SLC8A3: variants seen among roughly 807,000 people sequenced by gnomAD.
SLC8A3 encodes the protein solute carrier family 8 member A3.
A neutral mutation model predicts 65.4 loss-of-function variants in SLC8A3; 37 were observed. The ratio of observed to expected loss-of-function variants is 0.57; its 90% CI spans 0.44 to 0.74. The LOEUF is 0.74. Among genes scored for constraint, SLC8A3 ranks in the 30% least tolerant of loss-of-function variants. The pLI is 0.00. For synonymous variants in SLC8A3, 461 were observed against 444.5 expected, an observed-to-expected ratio of 1.04 and a Z score of -0.47; for missense variants, 1,112 against 1,172.1, an observed-to-expected ratio of 0.95 and a Z score of 0.75.
intron 2 of SLC8A3, among the ~76,000 whole-genome samples, chr14:70,156,853 C>T (rs907665211): frequency 6.6e-6 from 1 of 152,172 alleles, no homozygotes; most frequent in Non-Finnish European, 1.5e-5. Flanking sequence ...ACAGGCTGCT[C>T]TGGAAATCCA....
chr14:70,070,109 C>T (rs1006867299), intron 2 of SLC8A3, among the ~76,000 whole-genome samples: 1 of 152,158 alleles, frequency 6.6e-6, no homozygotes, highest in South Asian at 2.1e-4. Context: ...TCAATTCTGA[C>T]ACTATATCTT....
In SLC8A3 at chr14:70,046,778, G is replaced by T. The variant is rs898201362; in HGVS notation, c.2390-455C>A. 1 of 158,386 alleles carries T rather than the reference G, an allele frequency of 6.3e-6. No individual in the cohort carries two copies. The highest frequency in any genetic ancestry group is 1.4e-5 in the Non-Finnish European group (1 of 71,548). The allele number at this position is 158,386 out of a possible 1,614,324, so 9.8% of individuals were successfully genotyped here. On this transcript the variant is annotated intron_variant, in intron 6 of 6. Transcript: ENST00000356921. This position sits in a 1 kb window ranked among gnomAD's most constrained non-coding sequence, Gnocchi z 4.2. ...GCAATGCCTACTGATTGAGCACTGG[G>T]TGAGGTGCTGGATTTTGGGGACAGA... is the stretch of plus-strand genomic sequence containing the variant.
intron 2 of SLC8A3, among the ~76,000 whole-genome samples, chr14:70,084,860 T>G (rs575967665): frequency 6.6e-6 from 1 of 152,314 alleles, no homozygotes; most frequent in South Asian, 2.1e-4. Context: ...TGTTTGACAT[T>G]GGACATGGGA....
At chr14:70,090,782 G>T (rs1891749166) in intron 2 of SLC8A3, among the ~76,000 whole-genome samples, 1 of 152,128 alleles carries the variant, frequency 6.6e-6, no homozygotes, top group Admixed American at 6.5e-5. Context: ...GAGCTGCCCT[G>T]GTCAAATGTG....
intron 2 of SLC8A3, among the ~76,000 whole-genome samples, chr14:70,080,583 G>T (rs1890969739): frequency 6.6e-6 from 1 of 152,212 alleles, no homozygotes; most frequent in South Asian, 2.1e-4. Flanking sequence ...GTTGGGTGGA[G>T]AAATGACATC....
chr14:70,171,249 G>C (rs1897512142), intron 1 of SLC8A3, among the ~76,000 whole-genome samples: 1 of 152,174 alleles, frequency 6.6e-6, no homozygotes, highest in Admixed American at 6.5e-5. Flanking sequence ...GGAGAGAAGA[G>C]AGCCGGTCTT....
intron 2 of SLC8A3, among the ~76,000 whole-genome samples, chr14:70,154,143 G>A (rs980936162): frequency 3.3e-5 from 5 of 152,216 alleles, no homozygotes; most frequent in African/African-American, 1.2e-4. Context: ...CCTTAAAGAA[G>A]AAACGTAGAA....
chr14:70,108,456 C>T (rs913715876), intron 2 of SLC8A3, among the ~76,000 whole-genome samples: 1 of 152,016 alleles, frequency 6.6e-6, no homozygotes, highest in Non-Finnish European at 1.5e-5. Flanking sequence ...CAGCACCTCC[C>T]TTCCTCTTTT....
intron 1 of SLC8A3, 52 bp downstream of exon 1, chr14:70,188,327 G>A (rs938137484): frequency 6.6e-6 from 1 of 152,496 alleles, no homozygotes; most frequent in Non-Finnish European, 1.5e-5. Flanking sequence ...TACCTCCCAT[G>A]TCTCGGCTGC....
rs1886717564 is a variant in SLC8A3, at chr14:70,045,963, T to C, written c.2750A>G (p.Tyr917Cys). ...ILFATLEAYC[Y>C]IKGF ...TTGTGTGGCTTAGAACCCCTTGATGTAGCAATAGGCCTCTAGTGTGGCAAA... is the reference window on the plus strand; with the variant it reads ...TTGTGTGGCTTAGAACCCCTTGATGCAGCAATAGGCCTCTAGTGTGGCAAA... The change falls in exon 7 of 7, where the codon TAC becomes TGC. Residue 917 changes from tyrosine (Y) to cysteine (C), a missense_variant. Tyr to Cys is a radical substitution (Grantham distance 194, BLOSUM62 -2). Coordinates refer to ENST00000356921, the MANE Select transcript of SLC8A3 (RefSeq NM_182932.3). 6.3e-7 allele frequency: 1 copy of C among 1,595,324 alleles called. No homozygotes were observed. The highest frequency in any genetic ancestry group is 1.3e-5 in the African/African-American group (1 of 74,564).
At position 70,167,821 on chromosome 14, in the gene SLC8A3, C is replaced by G. The variant is rs1237226114; in HGVS notation, c.602G>C (p.Arg201Pro). 3 of 1,614,058 alleles carry G rather than the reference C, an allele frequency of 1.9e-6. No homozygotes were observed. In the South Asian group the frequency reaches 3.3e-5, roughly 18 times the overall value. The change falls in exon 2 of 7, where the codon CGA becomes CCA. Residue 201 changes from arginine to proline, a missense_variant. Arg to Pro is a moderately radical substitution (Grantham distance 103). Transcript: ENST00000356921. Reference sequence around the variant, plus strand: ...CCAAGCAGCGGTGATGAAGAAGACTCGTAGATGCTTGATCTTGCGAGTCTC... The same window carrying G: ...CCAAGCAGCGGTGATGAAGAAGACTGGTAGATGCTTGATCTTGCGAGTCTC... ...DGETRKIKHL[R>P]VFFITAAWSI...
intron 2 of SLC8A3, among the ~76,000 whole-genome samples, chr14:70,126,239 TTCAATCAA>T (rs76183916): frequency 3.3e-5 from 5 of 151,952 alleles, no homozygotes; most frequent in South Asian, 2.1e-4. Context: ...ACATTGCTTC[TTCAATCAA>T]TCAATCAATC....
chr14:70,140,959 C>T (rs1895529815), intron 2 of SLC8A3, among the ~76,000 whole-genome samples: 1 of 152,204 alleles, frequency 6.6e-6, no homozygotes, highest in African/African-American at 2.4e-5. Context: ...CATCTAGCCA[C>T]ACACACAGTA....
At chr14:70,158,548 T>C (rs540859719) in intron 2 of SLC8A3, among the ~76,000 whole-genome samples, 2 of 152,290 alleles carry the variant, frequency 1.3e-5, no homozygotes, top group East Asian at 1.9e-4. Flanking sequence ...GAACCTACAA[T>C]AGAGTGGTTT....
chr14:70,174,473 C>A (rs954348931), intron 1 of SLC8A3, among the ~76,000 whole-genome samples: 3 of 151,950 alleles, frequency 2.0e-5, no homozygotes, highest in Non-Finnish European at 4.4e-5. Flanking sequence ...TGAAGGGACA[C>A]ATTTTATGTT....
rs546608404 is a variant in SLC8A3, at chr14:70,045,810, T to C, written c.*137A>G. 6.1e-5 allele frequency: 48 copies of C among 787,860 alleles called. No individual in the cohort carries two copies. The African/African-American group carries it at 7.6e-4, about 13-fold the overall frequency. The allele number at this position is 787,860 out of a possible 1,614,324, so 48.8% of individuals were successfully genotyped here. A position where few individuals can be genotyped will look rare whatever the true frequency, so the allele number is the denominator to read the frequency against. ...TTTCAGTTAATTGCCAGGGCCTAAGTTGGGTGAAGTTCCTGGGGCTTAGGT... is the reference window on the plus strand; with the variant it reads ...TTTCAGTTAATTGCCAGGGCCTAAGCTGGGTGAAGTTCCTGGGGCTTAGGT... On this transcript the variant is annotated 3_prime_UTR_variant, in exon 7 of 7. Coordinates refer to ENST00000356921, the MANE Select transcript of SLC8A3 (RefSeq NM_182932.3).
At chr14:70,093,004 G>A (rs1422145538) in intron 2 of SLC8A3, among the ~76,000 whole-genome samples, 1 of 152,186 alleles carries the variant, frequency 6.6e-6, no homozygotes, top group Non-Finnish European at 1.5e-5. Flanking sequence ...CATTGGCATT[G>A]TTAGTTCAAA....
chr14:70,112,397 C>A (rs533189619), intron 2 of SLC8A3, among the ~76,000 whole-genome samples: 1 of 152,144 alleles, frequency 6.6e-6, no homozygotes, highest in African/African-American at 2.4e-5. Context: ...AGGGGACGTA[C>A]TAGGCAGTCA....
At position 70,115,713 on chromosome 14, in the gene SLC8A3, C is replaced by T. The variant is rs192476184; in HGVS notation, c.1784+50926G>A. Among the ~76,000 whole-genome samples, 697 of 152,180 alleles carry T rather than the reference C, an allele frequency of 4.6e-3. 11 individuals are homozygous for T. The highest frequency in any genetic ancestry group is 0.017 in the Middle Eastern group (5 of 294). On this transcript the variant is annotated intron_variant, in intron 2 of 6. Coordinates refer to ENST00000356921, the MANE Select transcript of SLC8A3 (RefSeq NM_182932.3). Reference sequence around the variant, plus strand: ...TGTGCCTCACTAGCTGAGCACACAGCCAGTGGCCACATGGGCTGGGGTATT... The same window carrying T: ...TGTGCCTCACTAGCTGAGCACACAGTCAGTGGCCACATGGGCTGGGGTATT...
Sources: allele counts gnomAD v4.1 joint callset (sites outside exome capture counted in the v4.1 genomes callset), GRCh38; gene constraint gnomAD v4.1.1; non-coding constraint Gnocchi (gnomAD v3.1); transcripts MANE v1.5; gene names NCBI Gene and HGNC (gene_info 2026-07-23, HGNC 2026-07-21).